The following ZNF236 variants were observed in gnomAD, a reference collection of about 807,000 sequenced individuals.
ZNF236 encodes the protein zinc finger protein 236, also known as regulated by glucose.
Under a neutral mutation model 191.2 loss-of-function variants are expected in ZNF236, and 50 were observed. The observed-to-expected ratio is 0.26, with a 90% confidence interval of 0.21 to 0.33. The LOEUF (loss-of-function observed/expected upper bound fraction) is 0.33. Among genes scored for constraint, ZNF236 ranks in the 10% least tolerant of loss-of-function variants. The pLI is 1.00. For missense variants in ZNF236, 1,754 were observed against 2,374.5 expected (o/e 0.74, Z 5.43); for synonymous variants, 907 against 928.8 (o/e 0.98, Z 0.43).
chr18:76,929,157 G>A (rs1425037023), intron 25 of ZNF236, among the ~76,000 whole-genome samples: 1 of 151,316 alleles, frequency 6.6e-6, no homozygotes, highest in Non-Finnish European at 1.5e-5. Context: ...GTATTCATAA[G>A]AAAACCAGAA....
intron 3 of ZNF236, among the ~76,000 whole-genome samples, chr18:76,853,618 T>A (rs1464655883): frequency 6.6e-6 from 1 of 152,148 alleles, no homozygotes; most frequent in Non-Finnish European, 1.5e-5. Flanking sequence ...TGGGGAGCTG[T>A]TGGTCAAAGG....
chr18:76,951,410 T>A (rs943592090), intron 27 of ZNF236, among the ~76,000 whole-genome samples: 10 of 152,238 alleles, frequency 6.6e-5, no homozygotes, highest in African/African-American at 2.4e-4. Context: ...ACTTGCTGCT[T>A]CACCTTGCAC....
intron 30 of ZNF236, among the ~76,000 whole-genome samples, chr18:76,962,086 A>G (rs1394610110): frequency 6.6e-6 from 1 of 151,786 alleles, no homozygotes; most frequent in Admixed American, 6.6e-5. Context: ...AGTCCCAGCT[A>G]TTTATCTTTG....
rs1422098054 is a variant in ZNF236 at position 76,851,789 on chromosome 18, C to A, written c.213C>A (p.Asp71Glu). 1.7e-5 allele frequency: 28 copies of A among 1,612,940 alleles called. No individual in the cohort carries two copies. Among genetic ancestry groups the A allele is most frequent in the Non-Finnish European group, 2.3e-5 (27 of 1,179,584 alleles). ...HERNDKPHRC[D>E]QCPQTFNVEF... is the part of the protein sequence containing the mutation. ...TCTCCAAATAGCCACATCGATGTGA[C>A]CAGTGCCCCCAAACATTTAATGTTG... Residue 71 changes from aspartate to glutamate, a missense_variant, in exon 3 of 31, where the codon GAC becomes GAA. Coordinates refer to ENST00000320610, the MANE Select transcript of ZNF236 (RefSeq NM_001306089.2).
chr18:76,936,841 TTGTC>T (rs1968013817), intron 25 of ZNF236, among the ~76,000 whole-genome samples: 1 of 152,246 alleles, frequency 6.6e-6, no homozygotes, highest in Non-Finnish European at 1.5e-5. Context: ...CTGGAAATTC[TTGTC>T]TGAGTTTTCA....
At chr18:76,952,020 A>G (rs1968421371) in intron 27 of ZNF236, among the ~76,000 whole-genome samples, 1 of 152,224 alleles carries the variant, frequency 6.6e-6, no homozygotes, top group East Asian at 1.9e-4. Context: ...CAACACAATT[A>G]CAATAGTAAC....
rs71172383 is a variant in ZNF236, at chr18:76,843,803, A to AAAAAAAAAAAAAAAAAAAAAAAAAG, written c.56-5721_56-5720insAAAAAAAAAAAAAAAAAAAAAAGAA. On this transcript the variant is annotated intron_variant, in intron 1 of 30. Coordinates refer to ENST00000320610, the MANE Select transcript of ZNF236 (RefSeq NM_001306089.2). The stretch of plus-strand genomic sequence containing the variant: ...AAAAAAAAAAAAAAAAAAAAAAAAA[A>AAAAAAAAAAAAAAAAAAAAAAAAAG]AAGTAAAGAAGAGACCGGGCGCAGT... 1.0e-3 allele frequency among the ~76,000 whole-genome samples: 65 copies of AAAAAAAAAAAAAAAAAAAAAAAAAG among 62,090 alleles called. 24 individuals carry two copies. Among genetic ancestry groups the AAAAAAAAAAAAAAAAAAAAAAAAAG allele is most frequent in the Non-Finnish European group, 1.1e-3 (39 of 35,430 alleles). The allele number at this position is 62,090 out of a possible 152,430, so 40.7% of individuals were successfully genotyped here.
intron 1 of ZNF236, among the ~76,000 whole-genome samples, chr18:76,825,117 A>G (rs1254258028): frequency 6.6e-6 from 1 of 152,084 alleles, no homozygotes; most frequent in African/African-American, 2.4e-5. Context: ...TTGATGCCAC[A>G]TTAGTTTTTG....
chr18:76,840,215 C>T (rs1384110192), intron 1 of ZNF236, among the ~76,000 whole-genome samples: 1 of 152,202 alleles, frequency 6.6e-6, no homozygotes, highest in South Asian at 2.1e-4. Flanking sequence ...GGGAGACCGG[C>T]CGGGTGCGGT....
chr18:76,822,761 C>CGGGGCGGGGGCGGG, intron 1 of ZNF236, 99 bp downstream of exon 1: 1 of 143,956 alleles, frequency 6.9e-6, no homozygotes, highest in Non-Finnish European at 1.5e-5. Context: ...CCGGGAGCGG[C>CGGGGCGGGGGCGGG]GGGGCGGGGG....
intron 2 of ZNF236, among the ~76,000 whole-genome samples, 164 bp downstream of exon 2, chr18:76,849,832 T>G (rs773952528): frequency 2.0e-5 from 3 of 152,246 alleles, no homozygotes; most frequent in Non-Finnish European, 4.4e-5. Flanking sequence ...GTAGTTGTAT[T>G]CCTAGCTATT....
intron 10 of ZNF236, among the ~76,000 whole-genome samples, chr18:76,896,094 G>A (rs1181218655): frequency 6.1e-5 from 9 of 148,504 alleles, no homozygotes; most frequent in South Asian, 4.3e-4. Context: ...TACAGGTACC[G>A]CACACAGTTA....
At chr18:76,966,711 G>C (rs1356365451) in intron 30 of ZNF236, among the ~76,000 whole-genome samples, 3 of 152,170 alleles carry the variant, frequency 2.0e-5, no homozygotes, top group Non-Finnish European at 4.4e-5. Flanking sequence ...TTTCTCTCTT[G>C]ATTCGCTAAC....
At chr18:76,931,922 C>A (rs1967862982) in intron 25 of ZNF236, among the ~76,000 whole-genome samples, 1 of 152,124 alleles carries the variant, frequency 6.6e-6, no homozygotes, top group African/African-American at 2.4e-5. Flanking sequence ...ATGTTTGTAC[C>A]CAAAAGCTAG....
At chr18:76,888,800 C>G (rs1977138414) in intron 9 of ZNF236, 1 of 152,324 alleles carries the variant, frequency 6.6e-6, no homozygotes, top group Non-Finnish European at 1.5e-5. Flanking sequence ...ACAGATGTTT[C>G]TCTGGTCACT....
Position 76,937,143 on chromosome 18 carries a change from G to A in ZNF236, c.4595-13G>A, listed in dbSNP as rs116132981. 8.9e-5 allele frequency: 143 copies of A among 1,609,504 alleles called. No homozygotes were observed. In the African/African-American group the frequency reaches 1.6e-3, roughly 18 times the overall value. Reference sequence around the variant, plus strand: ...GCCTTCCCATTGATCTACTTACTTTGCCTCTTTTGTAGAACTTAACACTAC... The same window carrying A: ...GCCTTCCCATTGATCTACTTACTTTACCTCTTTTGTAGAACTTAACACTAC... On this transcript the variant is annotated splice_polypyrimidine_tract_variant and intron_variant, in intron 25 of 30. Coordinates refer to ENST00000320610, the MANE Select transcript of ZNF236 (RefSeq NM_001306089.2).
At chr18:76,947,989 C>CCA (rs1968307855) in intron 27 of ZNF236, among the ~76,000 whole-genome samples, 1 of 152,114 alleles carries the variant, frequency 6.6e-6, no homozygotes, top group Non-Finnish European at 1.5e-5. Flanking sequence ...ACATATCCAG[C>CCA]CACTTGCACT....
At chr18:76,935,557 T>C (rs1030681714) in intron 25 of ZNF236, among the ~76,000 whole-genome samples, 1 of 152,196 alleles carries the variant, frequency 6.6e-6, no homozygotes, top group Non-Finnish European at 1.5e-5. Flanking sequence ...GAGGTTTGAA[T>C]TTTTGCTGTG....
chr18:76,840,782 T>TGTGTGTGTGTGTGTGTGCGC (rs1555685341), intron 1 of ZNF236: 30 of 99,306 alleles, frequency 3.0e-4, no homozygotes, highest in African/African-American at 8.2e-4. Flanking sequence ...AACCTGTGTG[T>TGTGTGTGTGTGTGTGTGCGC]GTGTGTGTGT....
Sources: allele counts gnomAD v4.1 joint callset (sites outside exome capture counted in the v4.1 genomes callset), GRCh38; gene constraint gnomAD v4.1.1; transcripts MANE v1.5; gene names NCBI Gene and HGNC (gene_info 2026-07-23, HGNC 2026-07-21).